The following COL25A1 variants were observed in gnomAD, a reference collection of about 807,000 sequenced individuals.
COL25A1 encodes collagen type XXV alpha 1 chain.
Under a neutral mutation model 128.4 loss-of-function variants are expected in COL25A1, and 103 were observed. The ratio of observed to expected loss-of-function variants is 0.80; its 90% CI spans 0.68 to 0.94. The LOEUF (loss-of-function observed/expected upper bound fraction) is 0.94, where lower values mean the gene tolerates loss of function less well. Among genes scored for constraint, COL25A1 ranks in the 40% least tolerant of loss-of-function variants. The pLI, the probability that COL25A1 is intolerant of heterozygous loss-of-function variation, is 0.00. For synonymous variants in COL25A1, 279 were observed against 277.2 expected, an observed-to-expected ratio of 1.01 and a Z score of -0.06; for missense variants, 745 against 840.0, an observed-to-expected ratio of 0.89 and a Z score of 1.40.
At chr4:109,014,741 T>G (rs1304559800) in intron 5 of COL25A1, among the ~76,000 whole-genome samples, 1 of 152,168 alleles carries the variant, frequency 6.6e-6, no homozygotes, top group African/African-American at 2.4e-5. Flanking sequence ...ATTTCAGGGA[T>G]GTATGGTGTG....
At chr4:108,887,086 C>T (rs1453606066) in intron 18 of COL25A1, among the ~76,000 whole-genome samples, 2 of 152,184 alleles carry the variant, frequency 1.3e-5, no homozygotes, top group African/African-American at 2.4e-5. Context: ...CTCCAACTCA[C>T]ACATCAATCA....
At chr4:108,887,797 A>T (rs1741002531) in intron 18 of COL25A1, among the ~76,000 whole-genome samples, 1 of 152,162 alleles carries the variant, frequency 6.6e-6, no homozygotes. Flanking sequence ...ACTATACGAG[A>T]TTATAGCAGG....
intron 3 of COL25A1, among the ~76,000 whole-genome samples, chr4:109,174,061 A>G (rs1298487235): frequency 1.3e-5 from 2 of 152,242 alleles, no homozygotes; most frequent in African/African-American, 4.8e-5. Context: ...AAAGCTAAAT[A>G]CTGAGAGAGG....
At chr4:109,215,578 A>G (rs184105064) in intron 3 of COL25A1, among the ~76,000 whole-genome samples, 7 of 152,264 alleles carry the variant, frequency 4.6e-5, no homozygotes, top group Non-Finnish European at 7.4e-5. Context: ...ATATTCTGTT[A>G]TTTTGCCTTG....
At chr4:108,982,993 T>C (rs1314714978) in intron 6 of COL25A1, among the ~76,000 whole-genome samples, 4 of 152,188 alleles carry the variant, frequency 2.6e-5, no homozygotes, top group Non-Finnish European at 5.9e-5. Context: ...CTGATGTAGC[T>C]CAATGGAGTT....
chr4:109,164,434 G>T (rs1772874850), intron 3 of COL25A1, among the ~76,000 whole-genome samples: 1 of 151,982 alleles, frequency 6.6e-6, no homozygotes, highest in Non-Finnish European at 1.5e-5. Context: ...TTGTTTGTTT[G>T]TTTGTTTGAC....
chr4:109,279,347 T>C (rs917021), intron 3 of COL25A1, among the ~76,000 whole-genome samples: 27,549 of 152,110 alleles, frequency 0.18, 2,980 homozygotes, highest in East Asian at 0.3. Context: ...CAGTGACTCA[T>C]GCCAGTAATC....
chr4:109,204,500 G>A (rs1220105373), intron 3 of COL25A1, among the ~76,000 whole-genome samples: 2 of 151,932 alleles, frequency 1.3e-5, no homozygotes, highest in African/African-American at 4.8e-5. Context: ...ATACAGTAAT[G>A]GTTATTAACA....
In COL25A1 at chr4:108,809,523, G is replaced by A. The variant is rs563764134; in HGVS notation, c.*4404C>T. On this transcript the variant is annotated 3_prime_UTR_variant, in exon 38 of 38. Coordinates refer to ENST00000399132, the MANE Select transcript of COL25A1 (RefSeq NM_198721.4). Reference sequence around the variant, plus strand: ...AAGTTGTTAATAAATCACACATAACGGTTTAGGTTGAAAAAGTCTTCTTAT... The same window carrying A: ...AAGTTGTTAATAAATCACACATAACAGTTTAGGTTGAAAAAGTCTTCTTAT... The A allele has an allele frequency of 2.6e-4, 30 of 115,630 alleles. No individual in the cohort carries two copies. Among genetic ancestry groups the A allele is most frequent in the African/African-American group, 7.2e-4 (27 of 37,632 alleles). 7.2% of individuals were successfully genotyped at this position (115,630 alleles called of 1,614,324 possible). A position where few individuals can be genotyped will look rare whatever the true frequency, so the allele number is the denominator to read the frequency against.
intron 8 of COL25A1, among the ~76,000 whole-genome samples, chr4:108,951,157 T>C (rs1264294106): frequency 6.6e-6 from 1 of 152,020 alleles, no homozygotes; most frequent in Non-Finnish European, 1.5e-5. Flanking sequence ...GAAAAATTGA[T>C]AGGGCACAGA....
chr4:108,968,093 GA>G (rs1751520478), intron 8 of COL25A1, among the ~76,000 whole-genome samples: 1 of 152,186 alleles, frequency 6.6e-6, no homozygotes, highest in South Asian at 2.1e-4. Context: ...ATCAAGGCGG[GA>G]AGTACAATTC....
At chr4:109,040,812 T>C (rs1759809837) in intron 5 of COL25A1, among the ~76,000 whole-genome samples, 1 of 152,198 alleles carries the variant, frequency 6.6e-6, no homozygotes, top group South Asian at 2.1e-4. Context: ...TTTTGAATTT[T>C]CTTTTTAGAA....
rs111618501 is a variant in COL25A1 at position 109,229,994 on chromosome 4, T to C, written c.367+70589A>G. On this transcript the variant is annotated intron_variant, in intron 3 of 37. Coordinates refer to ENST00000399132, the MANE Select transcript of COL25A1 (RefSeq NM_198721.4). ...GTGAAGCAGAAGCAGGAACTTCACA[T>C]GGCAAAAGCAGGAGCAAGGGGTGGG... is the stretch of plus-strand genomic sequence containing the variant. Among the ~76,000 whole-genome samples the C allele has an allele frequency of 7.9e-5, 12 of 152,230 alleles. No individual in the cohort carries two copies. The South Asian group carries it at 2.5e-3, about 32-fold the overall frequency.
intron 3 of COL25A1, among the ~76,000 whole-genome samples, chr4:109,099,470 TC>T (rs1323408744): frequency 6.6e-6 from 1 of 152,062 alleles, no homozygotes; most frequent in East Asian, 1.9e-4. Flanking sequence ...ATGAAAGTGA[TC>T]CTTTGCCTAT....
chr4:109,274,010 T>G (rs192652880), intron 3 of COL25A1, among the ~76,000 whole-genome samples: 1 of 152,304 alleles, frequency 6.6e-6, no homozygotes, highest in East Asian at 1.9e-4. Flanking sequence ...AATTCCCTCA[T>G]GTAATGGGTA....
chr4:109,212,777 T>C (rs1275953395), intron 3 of COL25A1, among the ~76,000 whole-genome samples: 2 of 152,164 alleles, frequency 1.3e-5, no homozygotes, highest in Non-Finnish European at 2.9e-5. Context: ...AAATTTCTAA[T>C]TGTTGTACAG....
At chr4:108,831,071 T>C (rs1376794341) in intron 32 of COL25A1, among the ~76,000 whole-genome samples, 1 of 152,084 alleles carries the variant, frequency 6.6e-6, no homozygotes, top group Non-Finnish European at 1.5e-5. Flanking sequence ...CTATTTGTAT[T>C]ATTTTGGCCT....
At position 108,965,491 on chromosome 4, in the gene COL25A1, GA is replaced by G. The variant is rs572116704; in HGVS notation, c.492+8875del. 1.9e-3 allele frequency among the ~76,000 whole-genome samples: 294 copies of G among 152,230 alleles called. 2 individuals are homozygous for G. Among genetic ancestry groups the G allele is most frequent in the African/African-American group, 6.9e-3 (285 of 41,522 alleles). Reference sequence around the variant, plus strand: ...GATTAATAAATTTGCCACAATTTCAGAAAAACATAGTATTCCATTTTAAAAA... The same window carrying G: ...GATTAATAAATTTGCCACAATTTCAGAAAACATAGTATTCCATTTTAAAAA... On this transcript the variant is annotated intron_variant, in intron 8 of 37. Transcript: ENST00000399132.
rs373298891 is a variant in COL25A1, at chr4:108,863,152, G to C, written c.1152+167C>G. Among the ~76,000 whole-genome samples, 8 of 152,272 alleles carry C rather than the reference G, an allele frequency of 5.3e-5. No individual in the cohort carries two copies. The East Asian group carries it at 1.5e-3, about 29-fold the overall frequency. On this transcript the variant is annotated intron_variant, in intron 21 of 37. Transcript: ENST00000399132. ...GAACAGAACAGAGTTAACAGGGTGAGGTGAATTGTAAAATCTCTTTTGAAA... is the reference window on the plus strand; with the variant it reads ...GAACAGAACAGAGTTAACAGGGTGACGTGAATTGTAAAATCTCTTTTGAAA...
Sources: allele counts gnomAD v4.1 joint callset (sites outside exome capture counted in the v4.1 genomes callset), GRCh38; gene constraint gnomAD v4.1.1; transcripts MANE v1.5; gene names NCBI Gene and HGNC (gene_info 2026-07-23, HGNC 2026-07-21).